GALNT13: variants seen among roughly 807,000 people sequenced by gnomAD.
GALNT13 encodes the protein UDP-GalNAc:polypeptide N-acetylgalactosaminyltransferase 13.
Under a neutral mutation model 64.2 loss-of-function variants are expected in GALNT13, and 28 were observed. The observed-to-expected ratio is 0.44, with a 90% CI of 0.32 to 0.60. The LOEUF (loss-of-function observed/expected upper bound fraction) is 0.60, where lower values mean the gene tolerates loss of function less well. Among genes scored for constraint, GALNT13 ranks in the 20% least tolerant of loss-of-function variants. The pLI is 0.05. For missense variants in GALNT13, 577 were observed against 669.8 expected (o/e 0.86, Z 1.53); for synonymous variants, 214 against 224.6 (o/e 0.95, Z 0.42).
chr2:153,932,412 T>C (rs1690593022), intron 2 of GALNT13, among the ~76,000 whole-genome samples: 1 of 151,886 alleles, frequency 6.6e-6, no homozygotes, highest in African/African-American at 2.4e-5. Context: ...AACTTTTTCA[T>C]GTGTGCTATA....
the GALNT13 span, among the ~76,000 whole-genome samples, chr2:153,572,862 A>G: frequency 6.6e-6 from 1 of 151,966 alleles, no homozygotes; most frequent in East Asian, 1.9e-4. Flanking sequence ...GACCTAACAC[A>G]TAGTATATCC....
At chr2:153,936,003 C>A (rs1233226598) in intron 2 of GALNT13, among the ~76,000 whole-genome samples, 1 of 152,182 alleles carries the variant, frequency 6.6e-6, no homozygotes, top group African/African-American at 2.4e-5. Flanking sequence ...GGAACAGAGA[C>A]ATTTTTACAA....
At chr2:154,306,938 A>G (rs2105114265) in intron 9 of GALNT13, among the ~76,000 whole-genome samples, 1 of 152,114 alleles carries the variant, frequency 6.6e-6, no homozygotes, top group South Asian at 2.1e-4. Flanking sequence ...TTAGTCCTAC[A>G]AAGGCAGACT....
chr2:154,383,299 A>C (rs955148715), intron 9 of GALNT13, among the ~76,000 whole-genome samples: 2 of 151,904 alleles, frequency 1.3e-5, no homozygotes, highest in African/African-American at 4.8e-5. Context: ...TTATATGTTA[A>C]CTCATTTCAT....
chr2:153,578,903 A>T, the GALNT13 span, among the ~76,000 whole-genome samples: 1 of 152,204 alleles, frequency 6.6e-6, no homozygotes, highest in Non-Finnish European at 1.5e-5. Flanking sequence ...ACCATAAAAA[A>T]ACCATAAATG....
chr2:154,059,480 T>C (rs553868338), intron 3 of GALNT13, among the ~76,000 whole-genome samples: 15 of 152,334 alleles, frequency 9.8e-5, no homozygotes, highest in African/African-American at 2.9e-4. Flanking sequence ...CTGTGCTTCC[T>C]GTATCTACAT....
the GALNT13 span, among the ~76,000 whole-genome samples, chr2:153,150,874 A>G: frequency 1.9e-3 from 282 of 152,190 alleles, 2 homozygotes; most frequent in African/African-American, 6.5e-3. Context: ...TAGTTACTGT[A>G]GCCTTGTAGT....
intron 9 of GALNT13, among the ~76,000 whole-genome samples, chr2:154,324,930 C>T (rs1440351255): frequency 3.3e-5 from 5 of 152,042 alleles, no homozygotes; most frequent in African/African-American, 9.7e-5. Context: ...AGTGAAGAGA[C>T]GCAACCTTAT....
the GALNT13 span, among the ~76,000 whole-genome samples, chr2:153,608,820 C>T: frequency 6.8e-6 from 1 of 146,180 alleles, no homozygotes; most frequent in Non-Finnish European, 1.5e-5. Context: ...AATATATACC[C>T]TAAAGAATAA....
intron 1 of GALNT13, among the ~76,000 whole-genome samples, chr2:153,899,145 C>T (rs1390444761): frequency 6.6e-6 from 1 of 152,048 alleles, no homozygotes; most frequent in Non-Finnish European, 1.5e-5. Context: ...ATCAGTAAGC[C>T]AGATGTGGTT....
the GALNT13 span, among the ~76,000 whole-genome samples, chr2:153,438,282 G>A: frequency 7.9e-3 from 1,200 of 152,126 alleles, 9 homozygotes; most frequent in Non-Finnish European, 0.012. Context: ...TTCAACTTTG[G>A]TGAATCTGAT....
At chr2:153,457,684 A>G in the GALNT13 span, among the ~76,000 whole-genome samples, 5 of 152,344 alleles carry the variant, frequency 3.3e-5, no homozygotes, top group East Asian at 5.8e-4. Flanking sequence ...GGGGATTTCA[A>G]CCTAGTTGTG....
chr2:154,103,363 C>A (rs1702447868), intron 3 of GALNT13, among the ~76,000 whole-genome samples: 1 of 152,056 alleles, frequency 6.6e-6, no homozygotes, highest in South Asian at 2.1e-4. Flanking sequence ...AAAAACATAT[C>A]TGTCTCATCC....
the GALNT13 span, among the ~76,000 whole-genome samples, chr2:153,638,154 A>G: frequency 2.0e-5 from 3 of 152,252 alleles, no homozygotes; most frequent in South Asian, 4.1e-4. Flanking sequence ...TGGCTGGAAT[A>G]GAGTGAGTTG....
chr2:153,371,432 T>C, the GALNT13 span, among the ~76,000 whole-genome samples: 1 of 152,088 alleles, frequency 6.6e-6, no homozygotes, highest in Non-Finnish European at 1.5e-5. Flanking sequence ...CTCAAAAAAA[T>C]GTACAAAAAA....
chr2:153,352,788 C>G, the GALNT13 span, among the ~76,000 whole-genome samples: 8 of 152,172 alleles, frequency 5.3e-5, no homozygotes, highest in East Asian at 1.5e-3. Flanking sequence ...TTTCTGAGCT[C>G]TTTATTCTGT....
At chr2:154,282,741 A>G (rs1692031253) in intron 8 of GALNT13, among the ~76,000 whole-genome samples, 1 of 152,178 alleles carries the variant, frequency 6.6e-6, no homozygotes, top group South Asian at 2.1e-4. Context: ...ATTGGAAAGA[A>G]TCCTCAGGTG....
At chr2:154,018,797 G>A (rs1697214321) in intron 3 of GALNT13, among the ~76,000 whole-genome samples, 1 of 151,248 alleles carries the variant, frequency 6.6e-6, no homozygotes, top group Non-Finnish European at 1.5e-5. Flanking sequence ...AGAGGGAGAG[G>A]GACGGGGATG....
chr2:153,249,485 A>G, the GALNT13 span, among the ~76,000 whole-genome samples: 1 of 152,148 alleles, frequency 6.6e-6, no homozygotes, highest in East Asian at 1.9e-4. Flanking sequence ...CTATTCCCAT[A>G]AAGTTACCAT....
Sources: allele counts gnomAD v4.1 joint callset (sites outside exome capture counted in the v4.1 genomes callset), GRCh38; gene constraint gnomAD v4.1.1; transcripts MANE v1.5; gene names NCBI Gene and HGNC (gene_info 2026-07-23, HGNC 2026-07-21).